Variants in DST observed in about 807,000 individuals in gnomAD.
DST encodes bullous pemphigoid antigen.
A neutral mutation model predicts 875.2 loss-of-function variants in DST; 253 were observed. That is an observed-to-expected ratio of 0.29 (90% CI 0.26 to 0.32). The LOEUF is 0.32. DST is among the 10% of genes least tolerant of loss of function. The pLI is 1.00. For missense variants in DST, 8,287 were observed against 9,111.6 expected (o/e 0.91, Z 3.68); for synonymous variants, 3,124 against 3,197.1 (o/e 0.98, Z 0.77).
intron 9 of DST, among the ~76,000 whole-genome samples, chr6:56,675,377 CA>C (rs1465492276): frequency 1.3e-5 from 2 of 152,100 alleles, no homozygotes; most frequent in Middle Eastern, 3.4e-3. Context: ...TCCAAAAGCA[CA>C]AGTAAGAAAA....
At chr6:56,682,397 C>T (rs1398176294) in intron 9 of DST, among the ~76,000 whole-genome samples, 2 of 152,174 alleles carry the variant, frequency 1.3e-5, no homozygotes, top group Non-Finnish European at 2.9e-5. Context: ...ATATTGAAAA[C>T]TAAGCTCAGC....
chr6:56,885,283 C>A lies in DST; in HGVS notation c.417+15138G>T, dbSNP rs148622101. On this transcript the variant is annotated intron_variant, in intron 3 of 103. Coordinates refer to ENST00000680361, the MANE Select transcript of DST (RefSeq NM_001374736.1). ...CTGAGGTGAAGGACAAAAGGCTTGG[C>A]TTCAAGTTGAGACTAACTCTGCGTA... is the stretch of plus-strand genomic sequence containing the variant. Among the ~76,000 whole-genome samples the A allele has an allele frequency of 2.3e-3, 353 of 152,322 alleles. 4 individuals carry two copies. The highest frequency in any genetic ancestry group is 0.014 in the Middle Eastern group (4 of 294).
Position 56,552,861 on chromosome 6 carries a change from ATTTGTTAC to A in DST, c.15923_15930del (p.Ser5308IlefsTer23). 1.2e-6 allele frequency: 2 copies of A among 1,613,798 alleles called. No individual in the cohort carries two copies. Among genetic ancestry groups the A allele is most frequent in the Non-Finnish European group, 1.7e-6 (2 of 1,179,876 alleles). ...TGCTGAGTTTGCAACATGGTCAGGT[ATTTGTTAC>A]TGTAAGCCTGGGATCCCAGCGAATC... is the stretch of plus-strand genomic sequence containing the variant. On this transcript the variant is annotated frameshift_variant, in exon 61 of 104. Transcript: ENST00000680361. LOFTEE classifies it high-confidence loss of function.
intron 2 of DST, among the ~76,000 whole-genome samples, chr6:56,901,172 CG>C (rs1362532840): frequency 2.0e-5 from 3 of 152,122 alleles, no homozygotes; most frequent in Non-Finnish European, 4.4e-5. Flanking sequence ...CAGATGGGCC[CG>C]GGTCCAAATG....
At position 56,458,831 on chromosome 6, in the gene DST, C is replaced by T. The variant is rs565992623; in HGVS notation, c.*174G>A. The stretch of plus-strand genomic sequence containing the variant: ...TGATGTGACTTTAACCCCAGAATAT[C>T]TGACAAAAAAAATTATACAGATAAA... On this transcript the variant is annotated 3_prime_UTR_variant, in exon 104 of 104. Transcript: ENST00000680361. The T allele has an allele frequency of 2.9e-6, 2 of 701,434 alleles. No individual in the cohort carries two copies. The highest frequency in any genetic ancestry group is 3.3e-5 in the South Asian group (1 of 30,706). 43.5% of individuals were successfully genotyped at this position (701,434 alleles called of 1,614,324 possible). A position where few individuals can be genotyped will look rare whatever the true frequency, so the allele number is the denominator to read the frequency against.
In DST at chr6:56,604,407, G is replaced by A. The variant is rs769090782; in HGVS notation, c.10221C>T (p.Ser3407=). The change falls in exon 40 of 104, where the codon AGC becomes AGT. Residue 3407 remains serine (S), a synonymous_variant. Transcript: ENST00000680361. The part of the protein sequence containing the change: ...QLVNEASTVP[S]DSQMSDSSGV... ...CAGAAGAGTCACTCATTTGAGAGTCGCTGGGCACAGTAGATGCCTCATTTA... is the reference window on the plus strand; with the variant it reads ...CAGAAGAGTCACTCATTTGAGAGTCACTGGGCACAGTAGATGCCTCATTTA... 15 of 1,610,146 alleles carry A rather than the reference G, an allele frequency of 9.3e-6. No individual in the cohort carries two copies. Among genetic ancestry groups the A allele is most frequent in the African/African-American group, 4.0e-5 (3 of 74,924 alleles).
chr6:56,925,370 T>C (rs1165420970), intron 2 of DST, among the ~76,000 whole-genome samples: 1 of 152,208 alleles, frequency 6.6e-6, no homozygotes, highest in Non-Finnish European at 1.5e-5. Flanking sequence ...AGGGAGCATA[T>C]GACTTTTCTC....
chr6:56,526,782 T>C (rs1460392508), intron 68 of DST, among the ~76,000 whole-genome samples: 1 of 151,826 alleles, frequency 6.6e-6, no homozygotes, highest in African/African-American at 2.4e-5. Context: ...GAACAATTCA[T>C]TTGTCGACAC....
At chr6:56,762,912 G>A (rs969349418) in intron 4 of DST, among the ~76,000 whole-genome samples, 28 of 145,814 alleles carry the variant, frequency 1.9e-4, no homozygotes, top group Admixed American at 1.8e-3. Context: ...GTGCAACGGC[G>A]TGATCTCAGC....
chr6:56,809,521 A>G (rs1005490073), intron 4 of DST, among the ~76,000 whole-genome samples: 6 of 152,118 alleles, frequency 3.9e-5, no homozygotes, highest in African/African-American at 1.2e-4. Context: ...CAAACATTAG[A>G]AACCAAAGAA....
chr6:56,597,239 CAAA>C (rs76384316), intron 47 of DST, among the ~76,000 whole-genome samples: 1 of 128,748 alleles, frequency 7.8e-6, no homozygotes. Flanking sequence ...GACCTTGTCT[CAAA>C]AAAAAAAAAA....
chr6:56,846,040 C>T (rs540129185), intron 4 of DST, among the ~76,000 whole-genome samples: 11 of 152,306 alleles, frequency 7.2e-5, no homozygotes, highest in African/African-American at 2.2e-4. Context: ...GACACTACAA[C>T]CTTGGCAAAG....
intron 10 of DST, among the ~76,000 whole-genome samples, chr6:56,667,250 C>T (rs1303301575): frequency 6.6e-6 from 1 of 152,090 alleles, no homozygotes; most frequent in East Asian, 1.9e-4. Context: ...TGTCCAATAC[C>T]AAAAAATTTG....
chr6:56,631,849 T>G, intron 29 of DST, 34 bp downstream of exon 29: 2 of 1,602,324 alleles, frequency 1.2e-6, no homozygotes, highest in Non-Finnish European at 1.7e-6. Flanking sequence ...ATTAAGAGAG[T>G]TAGTTTTTTT....
At chr6:56,746,590 A>G in intron 4 of DST, among the ~76,000 whole-genome samples, 1 of 152,184 alleles carries the variant, frequency 6.6e-6, no homozygotes, top group East Asian at 1.9e-4. Context: ...TATATATAAA[A>G]GGTGTATATC....
chr6:56,780,188 A>G (rs1438751921), intron 4 of DST, among the ~76,000 whole-genome samples: 2 of 151,818 alleles, frequency 1.3e-5, no homozygotes, highest in African/African-American at 2.4e-5. Context: ...ATAAACATAC[A>G]TGTACATGTG....
At chr6:56,811,604 A>G (rs1260818744) in intron 4 of DST, among the ~76,000 whole-genome samples, 1 of 152,196 alleles carries the variant, frequency 6.6e-6, no homozygotes, top group Non-Finnish European at 1.5e-5. Context: ...GCTTAAAGTT[A>G]ACTACCAGCT....
intron 5 of DST, among the ~76,000 whole-genome samples, chr6:56,729,863 C>T (rs1407729794): frequency 1.3e-5 from 2 of 152,070 alleles, no homozygotes; most frequent in African/African-American, 4.8e-5. Context: ...AATATCTGCG[C>T]CATGAGTAAA....
In DST at chr6:56,463,605, T is replaced by C; in HGVS notation, c.22919A>G (p.Gln7640Arg). The C allele has an allele frequency of 8.1e-6, 13 of 1,608,396 alleles. No homozygotes were observed. The highest frequency in any genetic ancestry group is 2.2e-5 in the East Asian group (1 of 44,732). The change falls in exon 101 of 104, where the codon CAG becomes CGG. Residue 7640 changes from glutamine to arginine, a missense_variant. Coordinates refer to ENST00000680361, the MANE Select transcript of DST (RefSeq NM_001374736.1). Reference sequence around the variant, plus strand: ...GGCAGGGACCTGTGGGGAGGCCGCCTGCGCAGCCTGACTGGACACAGAAGT... The same window carrying C: ...GGCAGGGACCTGTGGGGAGGCCGCCCGCGCAGCCTGACTGGACACAGAAGT... Reference protein sequence around the residue: ...RSTSVSSQAAQAASPQVPATT... With the variant: ...RSTSVSSQAARAASPQVPATT...
Sources: gnomAD v4.1 joint callset for allele counts (sites outside exome capture counted in the v4.1 genomes callset) on GRCh38, gnomAD v4.1.1 for gene constraint, MANE v1.5 for transcripts, NCBI Gene and HGNC (gene_info 2026-07-23, HGNC 2026-07-21) for gene names.